Variants in ZNF558 observed in about 807,000 individuals in gnomAD.
ZNF558 encodes zinc finger protein 558.
ZNF558 carries 23 observed loss-of-function variants against 37.6 expected under a neutral mutation model. The ratio of observed to expected loss-of-function variants is 0.61; its 90% CI spans 0.44 to 0.87. The LOEUF is 0.87. ZNF558 is among the 40% of genes least tolerant of loss of function. The pLI is 0.00. For missense variants in ZNF558, 429 were observed against 483.7 expected, an observed-to-expected ratio of 0.89 and a Z score of 1.06; for synonymous variants, 189 against 174.4, an observed-to-expected ratio of 1.08 and a Z score of -0.66.
Position 8,820,061 on chromosome 19 carries a change from C to T in ZNF558, c.247+1119G>A, listed in dbSNP as rs1599271862. On this transcript the variant is annotated intron_variant, in intron 7 of 9. Coordinates refer to ENST00000601372, the MANE Select transcript of ZNF558 (RefSeq NM_144693.3). Reference sequence around the variant, plus strand: ...TGAAAAGATGCTCCATGTCATTTGTCATTAGAAAAATGCAAATCAAAACAA... The same window carrying T: ...TGAAAAGATGCTCCATGTCATTTGTTATTAGAAAAATGCAAATCAAAACAA... 3.3e-5 allele frequency among the ~76,000 whole-genome samples: 5 copies of T among 152,310 alleles called. No homozygotes were observed. The South Asian group carries it at 1.0e-3, about 32-fold the overall frequency.
chr19:8,824,898 T>C (rs1475004541), intron 3 of ZNF558, 104 bp downstream of exon 3: 1 of 152,564 alleles, frequency 6.6e-6, no homozygotes, highest in Non-Finnish European at 1.5e-5. Context: ...GCCACAGCTC[T>C]TCACTCTGTC....
At chr19:8,835,277 C>A (rs1336349519), upstream of ZNF558, among the ~76,000 whole-genome samples, 2 of 152,086 alleles carry the variant, frequency 1.3e-5, no homozygotes, top group Admixed American at 1.3e-4. Context: ...GTCTTGAACT[C>A]CTGACCTCAA....
chr19:8,832,384 C>G (rs920162694), upstream of ZNF558: 2 of 152,702 alleles, frequency 1.3e-5, no homozygotes, highest in African/African-American at 4.8e-5. Flanking sequence ...CTCGCAGAGT[C>G]GAGCGTGTTG....
chr19:8,815,016 A>C (rs1184179083), intron 7 of ZNF558, among the ~76,000 whole-genome samples: 3 of 151,638 alleles, frequency 2.0e-5, no homozygotes, highest in African/African-American at 7.3e-5. Context: ...GATGGGGAAA[A>C]GTCTGATTCC....
In ZNF558 at chr19:8,809,410, G is replaced by T. The variant is rs1488932460; in HGVS notation, c.*1871C>A. Reference sequence around the variant, plus strand: ...TATAAGATTGAGAACTTTCGATATTGTTCACAGACAACTTGAACAACATGT... The same window carrying T: ...TATAAGATTGAGAACTTTCGATATTTTTCACAGACAACTTGAACAACATGT... On this transcript the variant is annotated 3_prime_UTR_variant, in exon 10 of 10. Coordinates refer to ENST00000601372, the MANE Select transcript of ZNF558 (RefSeq NM_144693.3). 2 of 152,156 alleles carry T rather than the reference G, an allele frequency of 1.3e-5. No homozygotes were observed. Among genetic ancestry groups the T allele is most frequent in the African/African-American group, 4.8e-5 (2 of 41,420 alleles). The allele number at this position is 152,156 out of a possible 1,614,324, so 9.4% of individuals were successfully genotyped here. A position where few individuals can be genotyped will look rare whatever the true frequency, so the allele number is the denominator to read the frequency against.
rs373359818 is a variant in ZNF558 at position 8,822,560 on chromosome 19, G to A, written c.31+69C>T. The A allele has an allele frequency of 4.4e-5, 71 of 1,607,386 alleles. 1 individual carries two copies. Among genetic ancestry groups the A allele is most frequent in the African/African-American group, 3.6e-4 (27 of 74,848 alleles). ...TCACCTGCTCTGCCCAACCCCGCTC[G>A]TGTCCCATGCTGTGGGTCAGAACCT... On this transcript the variant is annotated intron_variant, in intron 5 of 9. Coordinates refer to ENST00000601372, the MANE Select transcript of ZNF558 (RefSeq NM_144693.3). This position sits in a 1 kb window ranked among gnomAD's most constrained non-coding sequence, Gnocchi z 4.4.
intron 4 of ZNF558, among the ~76,000 whole-genome samples, chr19:8,823,316 G>A (rs367798507): frequency 2.0e-5 from 3 of 150,064 alleles, no homozygotes; most frequent in East Asian, 2.0e-4. Flanking sequence ...CATGTCCTCC[G>A]ACCACACGCA....
At chr19:8,834,848 G>A (rs754597255), upstream of ZNF558, among the ~76,000 whole-genome samples, 109 of 151,980 alleles carry the variant, frequency 7.2e-4, 1 homozygote, top group Non-Finnish European at 5.4e-4. Flanking sequence ...TCAAAAACAG[G>A]TGGCGAAAGA....
At position 8,822,935 on chromosome 19, in the gene ZNF558, T is replaced by C; in HGVS notation, c.-65-211A>G. The C allele has an allele frequency of 2.0e-6, 1 of 507,520 alleles. No homozygotes were observed. Among genetic ancestry groups the C allele is most frequent in the Admixed American group, 3.2e-5 (1 of 31,422 alleles). 31.4% of individuals were successfully genotyped at this position (507,520 alleles called of 1,614,324 possible). On this transcript the variant is annotated intron_variant, in intron 4 of 9. Transcript: ENST00000601372. This position sits in a 1 kb window ranked among gnomAD's most constrained non-coding sequence, Gnocchi z 4.4. ...TGTCCCCAACACAACGACCAGTACC[T>C]CCCTGACCCACCCGCTTTGAGAACC...
chr19:8,821,699 TG>T (rs2044095993), intron 6 of ZNF558: 1 of 1,304,944 alleles, frequency 7.7e-7, no homozygotes, highest in Non-Finnish European at 9.8e-7. Flanking sequence ...AGTGAATGAC[TG>T]ATTTCCGTGG....
Position 8,810,565 on chromosome 19 carries a change from G to C in ZNF558, c.*716C>G, listed in dbSNP as rs1395876732. ...TTTACCATACAGATTGTCCTCAAAA[G>C]GTTTCTCTTCAGAGTGAATTAATAG... On this transcript the variant is annotated 3_prime_UTR_variant, in exon 10 of 10. Transcript: ENST00000601372. The C allele has an allele frequency of 1.3e-5, 2 of 152,160 alleles. No individual in the cohort carries two copies. The highest frequency in any genetic ancestry group is 4.8e-5 in the African/African-American group (2 of 41,436). 9.4% of individuals were successfully genotyped at this position (152,160 alleles called of 1,614,324 possible).
intron 2 of ZNF558, among the ~76,000 whole-genome samples, chr19:8,825,559 T>C (rs1466516554): frequency 2.0e-5 from 3 of 152,268 alleles, no homozygotes; most frequent in African/African-American, 7.2e-5. Flanking sequence ...GTGTCCTTTT[T>C]ATAAGACGAG....
chr19:8,817,324 A>G (rs1310512983), intron 7 of ZNF558, among the ~76,000 whole-genome samples: 1 of 152,190 alleles, frequency 6.6e-6, no homozygotes, highest in Non-Finnish European at 1.5e-5. Context: ...TAGAAAGCAC[A>G]CTTCAAGTAC....
rs117406350 is a variant in ZNF558, at chr19:8,826,362, G to A, written c.-508-1254C>T. Among the ~76,000 whole-genome samples, 91 of 151,576 alleles carry A rather than the reference G, an allele frequency of 6.0e-4. 1 individual carries two copies. In the East Asian group the frequency reaches 8.9e-3, roughly 15 times the overall value. The stretch of plus-strand genomic sequence containing the variant: ...GTAATATATAATGAAATAATTATAC[G>A]ACTCACCATAATATAGAGTCAGTGG... On this transcript the variant is annotated intron_variant, in intron 2 of 9. Coordinates refer to ENST00000601372, the MANE Select transcript of ZNF558 (RefSeq NM_144693.3).
At chr19:8,838,023 C>A in the ZNF558 span, among the ~76,000 whole-genome samples, 1 of 151,602 alleles carries the variant, frequency 6.6e-6, no homozygotes, top group Admixed American at 6.6e-5. Flanking sequence ...CCGAGGCGGG[C>A]GGATCATGAC....
chr19:8,824,615 C>G lies in ZNF558; in HGVS notation c.-401-198G>C, dbSNP rs1003253139. Among the ~76,000 whole-genome samples, 6 of 152,280 alleles carry G rather than the reference C, an allele frequency of 3.9e-5. No homozygotes were observed. In the South Asian group the frequency reaches 1.2e-3, roughly 32 times the overall value. On this transcript the variant is annotated intron_variant, in intron 3 of 9. Coordinates refer to ENST00000601372, the MANE Select transcript of ZNF558 (RefSeq NM_144693.3). ...TGCCAGCACTGCAACCTGTGCCCCA[C>G]CCTTCTGCCTCCTCCCATCGCAGAC...
Position 8,807,747 on chromosome 19 carries a change from T to C in ZNF558, c.*3534A>G, listed in dbSNP as rs2043714659. The C allele has an allele frequency of 1.3e-5, 2 of 152,232 alleles. No individual in the cohort carries two copies. Among genetic ancestry groups the C allele is most frequent in the Non-Finnish European group, 2.9e-5 (2 of 68,048 alleles). 9.4% of individuals were successfully genotyped at this position (152,232 alleles called of 1,614,324 possible). A position where few individuals can be genotyped will look rare whatever the true frequency, so the allele number is the denominator to read the frequency against. ...CCTTAACTCTCCTAAAATGCTTTTTTTTCCTATAACTCTATAATACCATAT... is the reference window on the plus strand; with the variant it reads ...CCTTAACTCTCCTAAAATGCTTTTTCTTCCTATAACTCTATAATACCATAT... On this transcript the variant is annotated 3_prime_UTR_variant, in exon 10 of 10. Coordinates refer to ENST00000601372, the MANE Select transcript of ZNF558 (RefSeq NM_144693.3).
chr19:8,826,475 TA>T (rs2044234014), intron 2 of ZNF558, among the ~76,000 whole-genome samples: 1 of 151,810 alleles, frequency 6.6e-6, no homozygotes. Flanking sequence ...TAGATTCTCC[TA>T]AGGAGTGTGC....
intron 2 of ZNF558, 72 bp downstream of exon 2, chr19:8,831,246 A>G (rs951485957): frequency 1.3e-5 from 2 of 152,204 alleles, no homozygotes; most frequent in East Asian, 3.8e-4. Flanking sequence ...CAGCACAGGA[A>G]AAGCCCACGA....
Sources: allele counts gnomAD v4.1 joint callset (sites outside exome capture counted in the v4.1 genomes callset), GRCh38; gene constraint gnomAD v4.1.1; non-coding constraint Gnocchi (gnomAD v3.1); transcripts MANE v1.5; gene names NCBI Gene and HGNC (gene_info 2026-07-23, HGNC 2026-07-21).